The following RBFOX1 variants were observed in gnomAD, a reference collection of about 807,000 sequenced individuals.
RBFOX1 encodes RNA binding protein fox-1 homolog 1.
A neutral mutation model predicts 57.7 loss-of-function variants in RBFOX1; 8 were observed. The observed-to-expected ratio is 0.14, with a 90% CI of 0.08 to 0.25. RBFOX1 has a LOEUF of 0.25. Among genes scored for constraint, RBFOX1 ranks in the 10% least tolerant of loss-of-function variants. RBFOX1 has a pLI of 1.00. For missense variants in RBFOX1, 611 were observed against 548.5 expected (o/e 1.11, Z -1.14); for synonymous variants, 326 against 222.4 (o/e 1.47, Z -4.15).
intron 3 of RBFOX1, among the ~76,000 whole-genome samples, chr16:6,760,740 G>T (rs1006576496): frequency 6.6e-6 from 1 of 152,206 alleles, no homozygotes; most frequent in Non-Finnish European, 1.5e-5. Context: ...ATTAGGGCAA[G>T]GCACAGCCTT....
intron 1 of RBFOX1, among the ~76,000 whole-genome samples, chr16:5,342,401 A>T (rs1257198116): frequency 6.6e-6 from 1 of 152,112 alleles, no homozygotes; most frequent in Admixed American, 6.6e-5. Context: ...CTTGGTGAAT[A>T]ATGCCTCAGT....
rs149217253 is a variant in RBFOX1 at position 6,882,336 on chromosome 16, T to C, written c.-15-169721T>C. Among the ~76,000 whole-genome samples, 1,025 of 152,288 alleles carry C rather than the reference T, an allele frequency of 6.7e-3. 10 individuals carry two copies. The highest frequency in any genetic ancestry group is 0.023 in the African/African-American group (970 of 41,564). On this transcript the variant is annotated intron_variant, in intron 3 of 15. Coordinates refer to ENST00000550418, the MANE Select transcript of RBFOX1 (RefSeq NM_018723.4). ...CCTTGTTGTTTGCAATTCTGGCTAC[T>C]TTTAGCAGTGAGCAGTATAATTACA... is the stretch of plus-strand genomic sequence containing the variant.
intron 3 of RBFOX1, among the ~76,000 whole-genome samples, chr16:7,028,763 G>A (rs1425231167): frequency 2.0e-5 from 3 of 151,552 alleles, no homozygotes; most frequent in Non-Finnish European, 4.4e-5. Context: ...GTGGAGGTTC[G>A]TAATGTGAGT....
chr16:5,296,337 C>T (rs879029370), intron 1 of RBFOX1, among the ~76,000 whole-genome samples: 1 of 152,168 alleles, frequency 6.6e-6, no homozygotes, highest in Admixed American at 6.5e-5. Context: ...GCTAGAACAG[C>T]AGGAGACAGC....
At chr16:5,308,819 G>T (rs1269593475) in intron 1 of RBFOX1, among the ~76,000 whole-genome samples, 1 of 150,822 alleles carries the variant, frequency 6.6e-6, no homozygotes, top group Non-Finnish European at 1.5e-5. Flanking sequence ...GTCTTTTTCT[G>T]GAGATCTCTC....
chr16:5,253,820 C>T (rs1168242798), intron 1 of RBFOX1, among the ~76,000 whole-genome samples: 1 of 152,252 alleles, frequency 6.6e-6, no homozygotes, highest in African/African-American at 2.4e-5. Flanking sequence ...TTTGCACATC[C>T]TGCTCTTGCT....
intron 4 of RBFOX1, among the ~76,000 whole-genome samples, chr16:7,270,717 C>T (rs542517067): frequency 5.3e-5 from 8 of 152,334 alleles, no homozygotes; most frequent in South Asian, 2.1e-4. Context: ...ACTACTGTTT[C>T]TTTCAGTAAT....
At position 7,177,998 on chromosome 16, in the gene RBFOX1, TA is replaced by T. The variant is rs368355961; in HGVS notation, c.27+125901del. 4.4e-3 allele frequency among the ~76,000 whole-genome samples: 672 copies of T among 152,304 alleles called. 3 individuals carry two copies. The highest frequency in any genetic ancestry group is 0.015 in the African/African-American group (628 of 41,552). The stretch of plus-strand genomic sequence containing the variant: ...ACGCTCTGGTTCCTTTCTTCTGACC[TA>T]TTGATTCAGAATCTCTGAGAGTAAA... On this transcript the variant is annotated intron_variant, in intron 4 of 15. Coordinates refer to ENST00000550418, the MANE Select transcript of RBFOX1 (RefSeq NM_018723.4).
At chr16:7,357,737 G>A (rs1157773607) in intron 4 of RBFOX1, among the ~76,000 whole-genome samples, 1 of 152,116 alleles carries the variant, frequency 6.6e-6, no homozygotes, top group Non-Finnish European at 1.5e-5. Context: ...GCTAGTGGAG[G>A]TGCTTCCTGT....
intron 4 of RBFOX1, among the ~76,000 whole-genome samples, chr16:7,110,540 C>A (rs148532228): frequency 8.1e-4 from 123 of 152,258 alleles, no homozygotes; most frequent in African/African-American, 2.9e-3. Flanking sequence ...ACAATAAAAT[C>A]TAAGAACTTC....
chr16:7,148,119 A>G (rs573426573), intron 4 of RBFOX1, among the ~76,000 whole-genome samples: 7 of 152,324 alleles, frequency 4.6e-5, no homozygotes, highest in Non-Finnish European at 2.9e-5. Flanking sequence ...GTGACGCACA[A>G]TTGACTTAGG....
intron 3 of RBFOX1, among the ~76,000 whole-genome samples, chr16:6,663,145 G>C (rs1465550783): frequency 6.6e-6 from 1 of 152,206 alleles, no homozygotes; most frequent in African/African-American, 2.4e-5. Flanking sequence ...GTCTGAACTA[G>C]AGCCATGTAG....
chr16:6,973,653 T>C (rs1287288468), intron 3 of RBFOX1, among the ~76,000 whole-genome samples: 2 of 152,302 alleles, frequency 1.3e-5, no homozygotes, highest in East Asian at 1.9e-4. Flanking sequence ...AGCTGGACCA[T>C]TGACTGAAAA....
At chr16:5,883,045 C>G (rs1175796054) in intron 4 of RBFOX1, among the ~76,000 whole-genome samples, 2 of 152,148 alleles carry the variant, frequency 1.3e-5, no homozygotes, top group Admixed American at 6.5e-5. Context: ...ATCTCCTGCT[C>G]AAAGCCTGTA....
intron 2 of RBFOX1, among the ~76,000 whole-genome samples, chr16:6,414,528 T>C (rs951907320): frequency 6.6e-6 from 1 of 152,196 alleles, no homozygotes; most frequent in African/African-American, 2.4e-5. Context: ...CAAGATAGTT[T>C]CCGGCAGTGA....
intron 3 of RBFOX1, among the ~76,000 whole-genome samples, chr16:5,655,710 A>G (rs935648843): frequency 2.6e-5 from 4 of 152,190 alleles, no homozygotes; most frequent in African/African-American, 4.8e-5. Context: ...GGTACAGTGT[A>G]ACCCTTGAGA....
At chr16:7,044,570 T>G (rs2047260075) in intron 3 of RBFOX1, among the ~76,000 whole-genome samples, 1 of 152,206 alleles carries the variant, frequency 6.6e-6, no homozygotes, top group African/African-American at 2.4e-5. Context: ...CATAAGTGCT[T>G]ACTTGGCAGC....
intron 4 of RBFOX1, among the ~76,000 whole-genome samples, chr16:5,916,808 G>A (rs2058713074): frequency 6.6e-6 from 1 of 152,136 alleles, no homozygotes; most frequent in South Asian, 2.1e-4. Context: ...CCCCTGGATT[G>A]AGCTGGGAGA....
chr16:5,990,889 G>T (rs998087682), intron 4 of RBFOX1, among the ~76,000 whole-genome samples: 4 of 152,132 alleles, frequency 2.6e-5, no homozygotes, highest in African/African-American at 9.7e-5. Context: ...CAGGAGACTC[G>T]CTTGAACCTG....
Sources: gnomAD v4.1 joint callset for allele counts (sites outside exome capture counted in the v4.1 genomes callset) on GRCh38, gnomAD v4.1.1 for gene constraint, MANE v1.5 for transcripts, NCBI Gene and HGNC (gene_info 2026-07-23, HGNC 2026-07-21) for gene names.